Variants in MYLK3 observed in about 807,000 individuals in gnomAD.
MYLK3 encodes MLC kinase.
A neutral mutation model predicts 76.3 loss-of-function variants in MYLK3; 55 were observed. The observed-to-expected ratio is 0.72, with a 90% CI of 0.58 to 0.90. The LOEUF is 0.90. Ranked by LOEUF, MYLK3 falls within the 40% of genes least tolerant of loss-of-function variation. The probability of loss-of-function intolerance (pLI) is 0.00; values close to 1 mark genes in which losing one functional copy is unlikely to be tolerated. For synonymous variants in MYLK3, 416 were observed against 425.4 expected (o/e 0.98, Z 0.27); for missense variants, 973 against 1,053.6 (o/e 0.92, Z 1.06).
At chr16:46,759,557 A>C (rs1212936783) in intron 1 of MYLK3, among the ~76,000 whole-genome samples, 1 of 151,916 alleles carries the variant, frequency 6.6e-6, no homozygotes, top group Non-Finnish European at 1.5e-5. Context: ...GTCAGACTCG[A>C]GTTTGCCTAC....
Position 46,707,648 on chromosome 16 carries a change from C to T in MYLK3, c.*56G>A. 2 of 1,198,158 alleles carry T rather than the reference C, an allele frequency of 1.7e-6. No individual in the cohort carries two copies. Among genetic ancestry groups the T allele is most frequent in the South Asian group, 1.3e-5 (1 of 74,464 alleles). 74.2% of individuals were successfully genotyped at this position (1,198,158 alleles called of 1,614,324 possible). The stretch of plus-strand genomic sequence containing the variant: ...TATTTAAATGTTTGAGTCATCTCTT[C>T]ACTTCACCACTGGCCTCAGTAATTT... On this transcript the variant is annotated 3_prime_UTR_variant, in exon 13 of 13. Coordinates refer to ENST00000394809, the MANE Select transcript of MYLK3 (RefSeq NM_182493.3).
chr16:46,756,003 G>A (rs1393083372), intron 1 of MYLK3, among the ~76,000 whole-genome samples: 2 of 151,036 alleles, frequency 1.3e-5, no homozygotes, highest in African/African-American at 4.9e-5. Context: ...CGCCTCCCGG[G>A]TTCAAGCAAT....
intron 1 of MYLK3, among the ~76,000 whole-genome samples, chr16:46,758,298 A>T (rs1480775321): frequency 3.6e-5 from 2 of 56,160 alleles, no homozygotes; most frequent in Non-Finnish European, 6.0e-5. Context: ...ACACACACAC[A>T]CACACACTCT....
At chr16:46,741,614 C>A (rs887932135) in intron 1 of MYLK3, among the ~76,000 whole-genome samples, 1 of 152,178 alleles carries the variant, frequency 6.6e-6, no homozygotes, top group South Asian at 2.1e-4. Flanking sequence ...TCACCAGTCT[C>A]CGGGCTTCTG....
Position 46,745,569 on chromosome 16 carries a change from C to T in MYLK3, c.477+2148G>A, listed in dbSNP as rs536205793. 2.7e-3 allele frequency among the ~76,000 whole-genome samples: 410 copies of T among 152,196 alleles called. 4 individuals carry two copies. The highest frequency in any genetic ancestry group is 9.3e-3 in the African/African-American group (386 of 41,536). The stretch of plus-strand genomic sequence containing the variant: ...GACCAGCCTGGCCAACATGGTGAAA[C>T]CCCATCTCTACTAAAAATACAAAAA... On this transcript the variant is annotated intron_variant, in intron 1 of 12. Transcript: ENST00000394809.
Position 46,702,292 on chromosome 16 carries a change from G to A in MYLK3, c.*5412C>T, listed in dbSNP as rs146713734. 1.1e-3 allele frequency among the ~76,000 whole-genome samples: 165 copies of A among 152,000 alleles called. No individual in the cohort carries two copies. The highest frequency in any genetic ancestry group is 6.8e-3 in the Middle Eastern group (2 of 294). Reference sequence around the variant, plus strand: ...TTCTTGGAAGCTCACTTCTTTAACCGTTCTTCATGGTTTATTTAACTGATT... The same window carrying A: ...TTCTTGGAAGCTCACTTCTTTAACCATTCTTCATGGTTTATTTAACTGATT... On this transcript the variant is annotated 3_prime_UTR_variant, in exon 13 of 13. Coordinates refer to ENST00000394809, the MANE Select transcript of MYLK3 (RefSeq NM_182493.3).
intron 4 of MYLK3, 102 bp downstream of exon 4, chr16:46,732,106 T>C (rs1456339648): frequency 2.9e-6 from 3 of 1,027,700 alleles, no homozygotes; most frequent in Admixed American, 2.9e-5. Flanking sequence ...CCCAGACTCA[T>C]ATGATCTACC....
intron 1 of MYLK3, among the ~76,000 whole-genome samples, chr16:46,753,829 T>C (rs976752290): frequency 1.3e-5 from 2 of 152,152 alleles, no homozygotes. Flanking sequence ...GGCAGGATTG[T>C]TTAAGCCCAA....
At chr16:46,723,719 C>T (rs983816828) in intron 8 of MYLK3, among the ~76,000 whole-genome samples, 25 of 148,800 alleles carry the variant, frequency 1.7e-4, no homozygotes, top group Admixed American at 5.4e-4. Context: ...GCCCTGATTC[C>T]GCTCACCGCA....
chr16:46,716,876 C>T (rs1181203700), intron 9 of MYLK3, among the ~76,000 whole-genome samples: 2 of 152,148 alleles, frequency 1.3e-5, no homozygotes, highest in Non-Finnish European at 2.9e-5. Context: ...GAGAGCTTCC[C>T]GATGGCTGAA....
At chr16:46,721,079 G>C (rs1225400015) in intron 9 of MYLK3, 44 bp downstream of exon 9, 1 of 1,549,478 alleles carries the variant, frequency 6.5e-7, no homozygotes, top group Non-Finnish European at 8.9e-7. Flanking sequence ...GCCACAAAGA[G>C]TCCCAAGGAA....
At position 46,729,073 on chromosome 16, in the gene MYLK3, G is replaced by A; in HGVS notation, c.1723C>T (p.Leu575Phe). 1 of 1,614,184 alleles carries A rather than the reference G, an allele frequency of 6.2e-7. No homozygotes were observed. Among genetic ancestry groups the A allele is most frequent in the Non-Finnish European group, 8.5e-7 (1 of 1,179,984 alleles). The part of the protein sequence containing the change: ...NQLSHVNLIQ[L>F]YDAFESKHSC... ...TGCTTGCTCTCGAAGGCGTCATAGA[G>A]CTGGATCAGGTTCACGTGGCTGAGC... Residue 575 changes from leucine (L) to phenylalanine (F), a missense_variant, in exon 7 of 13, where the codon CTC becomes TTC. Around this residue, in one of 2 missense-constraint regions of MYLK3, gnomAD observed 332 missense variants for 416.6 expected, o/e 0.80. Coordinates refer to ENST00000394809, the MANE Select transcript of MYLK3 (RefSeq NM_182493.3).
At position 46,728,994 on chromosome 16, in the gene MYLK3, C is replaced by G. The variant is rs762607279; in HGVS notation, c.1772+30G>C. On this transcript the variant is annotated intron_variant, in intron 7 of 12. Transcript: ENST00000394809. ...CCCAGCACTGAGCCCTGGCTTGAGCCGAGGCGGCCGCCCCGCCTCTGATAC... is the reference window on the plus strand; with the variant it reads ...CCCAGCACTGAGCCCTGGCTTGAGCGGAGGCGGCCGCCCCGCCTCTGATAC... 5 of 1,544,014 alleles carry G rather than the reference C, an allele frequency of 3.2e-6. No homozygotes were observed. In the Middle Eastern group the frequency reaches 5.1e-4, roughly 157 times the overall value.
intron 4 of MYLK3, among the ~76,000 whole-genome samples, chr16:46,731,909 T>C (rs371256099): frequency 1.3e-5 from 2 of 152,030 alleles, no homozygotes; most frequent in African/African-American, 2.4e-5. Flanking sequence ...ACTATGATCA[T>C]GCCACTGGAC....
chr16:46,747,825 C>A lies in MYLK3; in HGVS notation c.369G>T (p.Arg123Ser). The A allele has an allele frequency of 6.2e-7, 1 of 1,614,220 alleles. No individual in the cohort carries two copies. The highest frequency in any genetic ancestry group is 8.5e-7 in the Non-Finnish European group (1 of 1,180,046). ...ALFRMVAAVDRAIALVGATFQ... is the reference protein window; with the variant it reads ...ALFRMVAAVDSAIALVGATFQ... ...ACGTGGCCCCCACCAAAGCGATGGC[C>A]CTGTCCACCGCAGCCACCATCCTGA... Residue 123 changes from arginine (R) to serine (S), a missense_variant, in exon 1 of 13, where the codon AGG becomes AGT. Physicochemically the swap from Arg to Ser is moderately radical, Grantham distance 110 (BLOSUM62 -1). Transcript: ENST00000394809.
chr16:46,744,126 G>A (rs777145617), intron 1 of MYLK3, among the ~76,000 whole-genome samples: 2 of 151,182 alleles, frequency 1.3e-5, no homozygotes, highest in Non-Finnish European at 2.9e-5. Flanking sequence ...TCCGCCTCCC[G>A]GGTTCAAGTG....
At position 46,748,119 on chromosome 16, in the gene MYLK3, C is replaced by G; in HGVS notation, c.75G>C (p.Met25Ile). Residue 25 changes from methionine to isoleucine, a missense_variant, in exon 1 of 13, where the codon ATG (methionine) becomes ATC (isoleucine). Coordinates refer to ENST00000394809, the MANE Select transcript of MYLK3 (RefSeq NM_182493.3). This position sits in a 1 kb window ranked among gnomAD's most constrained non-coding sequence, Gnocchi z 4.3. ...CGTTCAGCATGTTCAGCTTTGTGTC[C>G]ATGGTTGTTAAGCAGGTCTTGCCCA... ...PGLGKTCLTT[M>I]DTKLNMLNEK... is the part of the protein sequence containing the mutation. 2 of 1,614,260 alleles carry G rather than the reference C, an allele frequency of 1.2e-6. No homozygotes were observed. The highest frequency in any genetic ancestry group is 1.7e-6 in the Non-Finnish European group (2 of 1,180,040).
chr16:46,716,311 T>C (rs1324622209), intron 9 of MYLK3, among the ~76,000 whole-genome samples: 1 of 151,860 alleles, frequency 6.6e-6, no homozygotes, highest in Non-Finnish European at 1.5e-5. Flanking sequence ...GATAGATAGA[T>C]GGATAGATAG....
Position 46,732,466 on chromosome 16 carries a change from G to C in MYLK3, c.1204C>G (p.Pro402Ala), listed in dbSNP as rs773142348. Reference sequence around the variant, plus strand: ...CCGGGGCTGCTGCTCTCCTGCAGCGGGGAGAGCTCTCTGGCTCCTTCAGGG... The same window carrying C: ...CCGGGGCTGCTGCTCTCCTGCAGCGCGGAGAGCTCTCTGGCTCCTTCAGGG... The part of the protein sequence containing the change: ...QTPEGARELS[P>A]LQESSSPGGV... The change falls in exon 4 of 13, where the codon CCG (proline) becomes GCG (alanine). Residue 402 changes from proline to alanine, a missense_variant. Physicochemically the swap from Pro to Ala is conservative, Grantham distance 27 (BLOSUM62 -1). Around this residue, in one of 2 missense-constraint regions of MYLK3, gnomAD observed 641 missense variants for 637.0 expected, o/e 1.01. Coordinates refer to ENST00000394809, the MANE Select transcript of MYLK3 (RefSeq NM_182493.3). 1.2e-6 allele frequency: 2 copies of C among 1,611,388 alleles called. No individual in the cohort carries two copies. Among genetic ancestry groups the C allele is most frequent in the Non-Finnish European group, 1.7e-6 (2 of 1,179,992 alleles).
Sources: allele counts gnomAD v4.1 joint callset (sites outside exome capture counted in the v4.1 genomes callset), GRCh38; gene constraint gnomAD v4.1.1; regional missense constraint gnomAD v4.1.1; non-coding constraint Gnocchi (gnomAD v3.1); transcripts MANE v1.5; gene names NCBI Gene and HGNC (gene_info 2026-07-23, HGNC 2026-07-21).